Variants in FNTA observed in about 807,000 individuals in gnomAD.
FNTA encodes the protein protein farnesyltransferase/geranylgeranyltransferase type-1 subunit alpha.
FNTA carries 27 observed loss-of-function variants against 55.2 expected under a neutral mutation model. The observed-to-expected ratio is 0.49, with a 90% CI of 0.36 to 0.67. FNTA has a LOEUF of 0.67. Among genes scored for constraint, FNTA ranks in the 30% least tolerant of loss-of-function variants. The probability of loss-of-function intolerance (pLI) is 0.00; values close to 1 mark genes in which losing one functional copy is unlikely to be tolerated. For synonymous variants in FNTA, 176 were observed against 170.7 expected (o/e 1.03, Z -0.24); for missense variants, 422 against 464.7 (o/e 0.91, Z 0.85).
chr8:43,069,050 C>T (rs949761810), intron 3 of FNTA, among the ~76,000 whole-genome samples: 6 of 151,930 alleles, frequency 3.9e-5, no homozygotes, highest in Non-Finnish European at 8.8e-5. Context: ...TCATTTCTTC[C>T]AGTCACCAGA....
rs1255804329 is a variant in FNTA at position 43,075,957 on chromosome 8, C to T, written c.634-1259C>T. 2.0e-5 allele frequency among the ~76,000 whole-genome samples: 3 copies of T among 151,822 alleles called. No homozygotes were observed. The East Asian group carries it at 5.8e-4, about 29-fold the overall frequency. ...AGTCATAGCTCACTGCAGCCTTAAA[C>T]TCCGGGGCTCAAGTGATCCTCTTCA... On this transcript the variant is annotated intron_variant, in intron 5 of 8. Transcript: ENST00000302279.
chr8:43,082,676 G>C (rs940081880), intron 6 of FNTA: 2 of 152,660 alleles, frequency 1.3e-5, no homozygotes, highest in African/African-American at 2.4e-5. Context: ...AAATATGACT[G>C]AGAGAGGTGC....
intron 3 of FNTA, among the ~76,000 whole-genome samples, chr8:43,068,662 ACTT>A (rs1810715812): frequency 4.6e-5 from 7 of 152,214 alleles, no homozygotes; most frequent in African/African-American, 2.4e-5. Flanking sequence ...GGCTGTCATT[ACTT>A]AAGAATCAGA....
At chr8:43,062,335 A>G (rs1043326287) in intron 2 of FNTA, among the ~76,000 whole-genome samples, 3 of 151,826 alleles carry the variant, frequency 2.0e-5, no homozygotes, top group Non-Finnish European at 4.4e-5. Context: ...AGGCTGGAGT[A>G]CAATGGCGTG....
chr8:43,084,553 A>G (rs1219455057), intron 7 of FNTA, 157 bp from the exon 8 acceptor site: 1 of 600,942 alleles, frequency 1.7e-6, no homozygotes, highest in Non-Finnish European at 2.9e-6. Flanking sequence ...GATAAGACTC[A>G]TGTAATTTAA....
chr8:43,061,999 G>A (rs551741586), intron 2 of FNTA, among the ~76,000 whole-genome samples: 1 of 152,092 alleles, frequency 6.6e-6, no homozygotes, highest in East Asian at 1.9e-4. Context: ...GATTACAAGC[G>A]TGAGCTACCG....
intron 5 of FNTA, among the ~76,000 whole-genome samples, chr8:43,074,372 A>C (rs529901383): frequency 5.9e-5 from 9 of 152,322 alleles, no homozygotes; most frequent in African/African-American, 2.2e-4. Flanking sequence ...AAAATACAAA[A>C]AAATGAGACG....
Position 43,058,711 on chromosome 8 carries a change from A to G in FNTA, c.201-381A>G, listed in dbSNP as rs112203197. Among the ~76,000 whole-genome samples the G allele has an allele frequency of 2.5e-3, 379 of 152,302 alleles. 2 individuals are homozygous for G. Among genetic ancestry groups the G allele is most frequent in the South Asian group, 0.011 (52 of 4,824 alleles). ...AGAATTGGTTGAACCCAGGAGGCAGAGGTTGCAGTGAGCCGAGATGACACC... is the reference window on the plus strand; with the variant it reads ...AGAATTGGTTGAACCCAGGAGGCAGGGGTTGCAGTGAGCCGAGATGACACC... On this transcript the variant is annotated intron_variant, in intron 1 of 8. Coordinates refer to ENST00000302279, the MANE Select transcript of FNTA (RefSeq NM_002027.3).
chr8:43,072,937 C>A (rs1586658560), intron 5 of FNTA, among the ~76,000 whole-genome samples: 1 of 152,096 alleles, frequency 6.6e-6, no homozygotes, highest in African/African-American at 2.4e-5. Flanking sequence ...ACATTTTTTT[C>A]ATATATAAAC....
chr8:43,061,621 A>G (rs1170984172), intron 2 of FNTA, among the ~76,000 whole-genome samples: 1 of 152,254 alleles, frequency 6.6e-6, no homozygotes, highest in African/African-American at 2.4e-5. Context: ...ATAACCGTTA[A>G]GAGGATTTAG....
At chr8:43,076,343 C>T (rs931494672) in intron 5 of FNTA, among the ~76,000 whole-genome samples, 2 of 152,038 alleles carry the variant, frequency 1.3e-5, no homozygotes, top group African/African-American at 4.8e-5. Flanking sequence ...CGTGCCCGGA[C>T]TGTCTTTATT....
intron 5 of FNTA, 23 bp from the exon 6 acceptor site, chr8:43,077,193 A>T: frequency 6.6e-7 from 1 of 1,520,344 alleles, no homozygotes; most frequent in Non-Finnish European, 8.9e-7. Flanking sequence ...TAATTGGATG[A>T]TTTTTCTAAA....
At chr8:43,084,084 AGAAG>A (rs1811076374) in intron 7 of FNTA, among the ~76,000 whole-genome samples, 1 of 151,650 alleles carries the variant, frequency 6.6e-6, no homozygotes, top group Non-Finnish European at 1.5e-5. Context: ...AAAAAAAAAA[AGAAG>A]AACATCTCTC....
chr8:43,075,338 G>C (rs971094073), intron 5 of FNTA, among the ~76,000 whole-genome samples: 1 of 120,324 alleles, frequency 8.3e-6, no homozygotes, highest in Non-Finnish European at 1.9e-5. Flanking sequence ...CTGTAAAATC[G>C]GGGACTATCA....
intron 4 of FNTA, among the ~76,000 whole-genome samples, chr8:43,071,841 A>G (rs1810800050): frequency 6.6e-6 from 1 of 152,236 alleles, no homozygotes; most frequent in Admixed American, 6.5e-5. Flanking sequence ...CACTTAGGGA[A>G]AATTGACAGG....
chr8:43,070,808 T>A (rs931563995), intron 4 of FNTA, among the ~76,000 whole-genome samples: 1 of 152,240 alleles, frequency 6.6e-6, no homozygotes, highest in Non-Finnish European at 1.5e-5. Flanking sequence ...AAACTTATGC[T>A]ATAACATAAA....
At chr8:43,067,970 G>A (rs925978496) in intron 3 of FNTA, among the ~76,000 whole-genome samples, 5 of 152,176 alleles carry the variant, frequency 3.3e-5, no homozygotes, top group African/African-American at 1.2e-4. Flanking sequence ...CACAATCATG[G>A]CTCATTACAA....
chr8:43,077,568 CT>C (rs1244692137), intron 6 of FNTA: 2 of 370,514 alleles, frequency 5.4e-6, no homozygotes, highest in Admixed American at 4.6e-5. Flanking sequence ...TGAAATATTG[CT>C]ACTGGAGATT....
chr8:43,084,073 A>T (rs75605986), intron 7 of FNTA, among the ~76,000 whole-genome samples: 1 of 145,456 alleles, frequency 6.9e-6, no homozygotes, highest in Non-Finnish European at 1.5e-5. Flanking sequence ...TGTCTCAAAG[A>T]AAAAAAAAAA....
Sources: allele counts gnomAD v4.1 joint callset (sites outside exome capture counted in the v4.1 genomes callset), GRCh38; gene constraint gnomAD v4.1.1; transcripts MANE v1.5; gene names NCBI Gene and HGNC (gene_info 2026-07-23, HGNC 2026-07-21).